RIMS1: variants seen among roughly 807,000 people sequenced by gnomAD.
The protein encoded by RIMS1 is regulating synaptic membrane exocytosis protein 1.
Under a neutral mutation model 214.1 loss-of-function variants are expected in RIMS1, and 83 were observed. The ratio of observed to expected loss-of-function variants is 0.39; its 90% CI spans 0.32 to 0.47. The LOEUF (loss-of-function observed/expected upper bound fraction) is 0.47. RIMS1 is among the 20% of genes least tolerant of loss of function. RIMS1 has a pLI of 0.99. For missense variants in RIMS1, 2,050 were observed against 2,161.8 expected (o/e 0.95, Z 1.03); for synonymous variants, 793 against 786.8 (o/e 1.01, Z -0.13).
chr6:72,394,506 T>C (rs995195786), intron 31 of RIMS1, among the ~76,000 whole-genome samples: 4 of 151,950 alleles, frequency 2.6e-5, no homozygotes, highest in Admixed American at 1.3e-4. Flanking sequence ...TCAATAATAA[T>C]ATCTAAAACT....
chr6:72,132,494 T>C (rs1182703437), intron 4 of RIMS1, among the ~76,000 whole-genome samples: 1 of 152,188 alleles, frequency 6.6e-6, no homozygotes, highest in Non-Finnish European at 1.5e-5. Flanking sequence ...CATAATATTA[T>C]TGTAGTGTTC....
intron 6 of RIMS1, among the ~76,000 whole-genome samples, chr6:72,210,452 A>G (rs938542815): frequency 2.0e-5 from 3 of 152,176 alleles, no homozygotes; most frequent in African/African-American, 7.2e-5. Flanking sequence ...GGGCCCTTTT[A>G]TTTTAAACCA....
At chr6:72,010,885 T>G (rs1014571752) in intron 2 of RIMS1, among the ~76,000 whole-genome samples, 58 of 152,328 alleles carry the variant, frequency 3.8e-4, no homozygotes, top group African/African-American at 1.3e-3. Flanking sequence ...ATCAATATCC[T>G]GAAAATGGCC....
chr6:72,384,559 C>A (rs530603205), intron 29 of RIMS1, among the ~76,000 whole-genome samples: 6 of 152,260 alleles, frequency 3.9e-5, no homozygotes, highest in Admixed American at 3.9e-4. Flanking sequence ...TTTTCCCCCA[C>A]CTTAAAAGGT....
In RIMS1 at chr6:72,213,208, G is replaced by A. The variant is rs9446600; in HGVS notation, c.1679-20565G>A. On this transcript the variant is annotated intron_variant, in intron 6 of 33. Coordinates refer to ENST00000521978, the MANE Select transcript of RIMS1 (RefSeq NM_014989.7). ...TCCGAAGAGGGAACAATTGAAGCTC[G>A]ACGAGCAGTTGCTGGTAAGCAATAG... 5,379 of 1,536,306 alleles carry A rather than the reference G, an allele frequency of 3.5e-3. 181 individuals are homozygous for A. In the African/African-American group the frequency reaches 0.066, roughly 19 times the overall value.
At chr6:72,228,964 A>G (rs1169983782) in intron 6 of RIMS1, among the ~76,000 whole-genome samples, 7 of 151,926 alleles carry the variant, frequency 4.6e-5, no homozygotes, top group Admixed American at 2.0e-4. Flanking sequence ...TGAAATTTCT[A>G]ACATGCATTT....
intron 28 of RIMS1, among the ~76,000 whole-genome samples, chr6:72,326,180 A>G (rs1039379186): frequency 1.3e-5 from 2 of 151,860 alleles, no homozygotes; most frequent in East Asian, 3.9e-4. Context: ...CTTTTAGTGG[A>G]TTGAATGTAT....
chr6:72,282,659 A>C (rs945642297), intron 23 of RIMS1, among the ~76,000 whole-genome samples: 2 of 152,108 alleles, frequency 1.3e-5, no homozygotes, highest in Non-Finnish European at 2.9e-5. Flanking sequence ...CTAACTGAGT[A>C]GCCTTTCCCT....
chr6:72,258,991 T>C lies in RIMS1; in HGVS notation c.2933T>C (p.Leu978Ser), dbSNP rs754857029. The C allele has an allele frequency of 1.9e-6, 3 of 1,612,636 alleles. No individual in the cohort carries two copies. The highest frequency in any genetic ancestry group is 2.2e-5 in the East Asian group (1 of 44,830). The change falls in exon 18 of 34, where the codon TTA becomes TCA. Residue 978 changes from leucine (L) to serine (S), a missense_variant. By Grantham distance (145) the Leu-to-Ser change is moderately radical. Transcript: ENST00000521978. ...GAATTTTGTAATCATTTTAGGAGTT[T>C]AGATGAAATTCATCCAACAAGAAGG... is the stretch of plus-strand genomic sequence containing the variant. ...RLPNVPLQRS[L>S]DEIHPTRRSR...
rs2067137527 is a variant in RIMS1 at position 72,241,952 on chromosome 6, G to A, written c.1958-362G>A. ...GCCGCCTACATTTATTATATGGAGG[G>A]CATGCTGCTAATTATTATTTTTTAA... On this transcript the variant is annotated intron_variant, in intron 9 of 33. Coordinates refer to ENST00000521978, the MANE Select transcript of RIMS1 (RefSeq NM_014989.7). Among the ~76,000 whole-genome samples the A allele has an allele frequency of 2.6e-5, 4 of 152,162 alleles. No individual in the cohort carries two copies. In the South Asian group the frequency reaches 8.3e-4, roughly 32 times the overall value.
rs2092172560 is a variant in RIMS1, at chr6:72,285,984, G to A, written c.3554+1866G>A. Among the ~76,000 whole-genome samples, 4 of 152,182 alleles carry A rather than the reference G, an allele frequency of 2.6e-5. No individual in the cohort carries two copies. In the South Asian group the frequency reaches 6.2e-4, roughly 24 times the overall value. The stretch of plus-strand genomic sequence containing the variant: ...AGGCCAAGGCGGGCAGATCATCTGA[G>A]GTCGGGAGTTTGAGACTAACCTGAC... On this transcript the variant is annotated intron_variant, in intron 24 of 33. Transcript: ENST00000521978.
chr6:72,095,116 A>ATTTTTTTTTTTTT (rs71540328), intron 2 of RIMS1, among the ~76,000 whole-genome samples: 37 of 98,930 alleles, frequency 3.7e-4, no homozygotes, highest in East Asian at 6.0e-4. Context: ...ACGCCCGACT[A>ATTTTTTTTTTTTT]TTTTTTTTTT....
At chr6:71,895,223 C>T (rs566634591) in intron 1 of RIMS1, among the ~76,000 whole-genome samples, 5 of 152,318 alleles carry the variant, frequency 3.3e-5, no homozygotes, top group Admixed American at 1.3e-4. Flanking sequence ...TACATACCTA[C>T]ATATGGCTTT....
chr6:72,262,703 AAC>A, intron 19 of RIMS1: 1 of 779,586 alleles, frequency 1.3e-6, no homozygotes, highest in Non-Finnish European at 1.6e-6. Context: ...AAATAACCAC[AAC>A]TTTATATGGA....
At chr6:72,000,703 A>G (rs1008227506) in intron 2 of RIMS1, among the ~76,000 whole-genome samples, 1 of 152,146 alleles carries the variant, frequency 6.6e-6, no homozygotes, top group African/African-American at 2.4e-5. Flanking sequence ...ATCTAGCCAC[A>G]AATACATTTC....
chr6:72,299,197 C>T lies in RIMS1; in HGVS notation c.3850+7151C>T, dbSNP rs960187807. ...TTCAAGGTGAGAAAAATGTTATTGT[C>T]GTAATAAATTTATGATTTATATGCC... On this transcript the variant is annotated intron_variant, in intron 26 of 33. Coordinates refer to ENST00000521978, the MANE Select transcript of RIMS1 (RefSeq NM_014989.7). Among the ~76,000 whole-genome samples, 6 of 151,722 alleles carry T rather than the reference C, an allele frequency of 4.0e-5. No individual in the cohort carries two copies. In the Admixed American group the frequency reaches 4.0e-4, roughly 10 times the overall value.
At chr6:72,027,637 AC>A (rs1452444689) in intron 2 of RIMS1, among the ~76,000 whole-genome samples, 3 of 152,226 alleles carry the variant, frequency 2.0e-5, no homozygotes, top group Non-Finnish European at 4.4e-5. Context: ...TTCATTTAAA[AC>A]AACAGCCCTA....
chr6:72,129,954 C>G lies in RIMS1; in HGVS notation c.471+29968C>G, dbSNP rs575534200. The stretch of plus-strand genomic sequence containing the variant: ...TGTGATGTATGACTTTTCTATGACT[C>G]CTTCTTTACAAGTTTTCTTTTCTAC... On this transcript the variant is annotated intron_variant, in intron 4 of 33. Coordinates refer to ENST00000521978, the MANE Select transcript of RIMS1 (RefSeq NM_014989.7). Among the ~76,000 whole-genome samples the G allele has an allele frequency of 2.6e-5, 4 of 152,152 alleles. No homozygotes were observed. In the South Asian group the frequency reaches 8.3e-4, roughly 32 times the overall value.
intron 27 of RIMS1, among the ~76,000 whole-genome samples, chr6:72,307,818 CAAAA>C (rs755307447): frequency 6.6e-6 from 1 of 151,854 alleles, no homozygotes; most frequent in South Asian, 2.1e-4. Context: ...GCCAAAAAAA[CAAAA>C]AACTCTTTCC....
Sources: gnomAD v4.1 joint callset for allele counts (sites outside exome capture counted in the v4.1 genomes callset) on GRCh38, gnomAD v4.1.1 for gene constraint, MANE v1.5 for transcripts, NCBI Gene and HGNC (gene_info 2026-07-23, HGNC 2026-07-21) for gene names.